SLC25A13: variants seen among roughly 807,000 people sequenced by gnomAD.
The protein encoded by SLC25A13 is electrogenic aspartate/glutamate antiporter SLC25A13, mitochondrial.
In SLC25A13, 70 loss-of-function variants were observed where a neutral mutation model predicts 85.5. That is an observed-to-expected ratio of 0.82 (90% CI 0.68 to 1.00). SLC25A13 has a LOEUF of 1.00. Ranked by LOEUF, SLC25A13 falls within the 50% of genes least tolerant of loss-of-function variation. The probability of loss-of-function intolerance (pLI) is 0.00; values close to 1 mark genes in which losing one functional copy is unlikely to be tolerated. For missense variants in SLC25A13, 765 were observed against 819.8 expected, an observed-to-expected ratio of 0.93 and a Z score of 0.82; for synonymous variants, 259 against 288.7, an observed-to-expected ratio of 0.90 and a Z score of 1.04.
In SLC25A13 at chr7:96,252,701, G is replaced by C. The variant is rs1797479817; in HGVS notation, c.213-17784C>G. ...GTAAGAGGCAAGTGTGTTAACCTGA[G>C]AACTAATATTATCATTGGATTCTGC... On this transcript the variant is annotated intron_variant, in intron 3 of 17. Coordinates refer to ENST00000265631, the MANE Select transcript of SLC25A13 (RefSeq NM_014251.3). Among the ~76,000 whole-genome samples the C allele has an allele frequency of 2.0e-5, 3 of 152,190 alleles. No homozygotes were observed. The South Asian group carries it at 6.2e-4, about 31-fold the overall frequency.
At chr7:96,259,068 G>T (rs1797748571) in intron 3 of SLC25A13, among the ~76,000 whole-genome samples, 1 of 152,004 alleles carries the variant, frequency 6.6e-6, no homozygotes, top group African/African-American at 2.4e-5. Flanking sequence ...ATTAACTCAG[G>T]ATGGTAAAGA....
intron 14 of SLC25A13, among the ~76,000 whole-genome samples, chr7:96,140,404 T>C (rs1483222905): frequency 4.0e-4 from 55 of 135,826 alleles, no homozygotes; most frequent in African/African-American, 1.5e-3. Context: ...CTCCTTTTTT[T>C]TTTTTTTTTT....
At chr7:96,194,241 C>T (rs1794966503) in intron 5 of SLC25A13, among the ~76,000 whole-genome samples, 1 of 147,190 alleles carries the variant, frequency 6.8e-6, no homozygotes, top group Non-Finnish European at 1.5e-5. Context: ...TCCAGGCCAG[C>T]CTGGGCCACA....
chr7:96,163,364 G>A lies in SLC25A13; in HGVS notation c.1311+6681C>T, dbSNP rs529085265. The stretch of plus-strand genomic sequence containing the variant: ...CACAGCCCCAGCTGTTCAGTTACAA[G>A]AGTGAGCCACCTTGGATATCTATCC... On this transcript the variant is annotated intron_variant, in intron 13 of 17. Transcript: ENST00000265631. 1.6e-3 allele frequency among the ~76,000 whole-genome samples: 243 copies of A among 152,270 alleles called. 1 individual carries two copies. The Middle Eastern group carries it at 0.024, about 15-fold the overall frequency.
In SLC25A13 at chr7:96,208,858, C is replaced by T; in HGVS notation, c.448G>A (p.Glu150Lys). Reference protein sequence around the residue: ...KERKRHLTYAEFTQFLLEIQL... With the variant: ...KERKRHLTYAKFTQFLLEIQL... The stretch of plus-strand genomic sequence containing the variant: ...CCCACCAATAAAAACTGAGTAAATT[C>T]CGCATATGTCAGGTGTCTTTTTCTT... Residue 150 changes from glutamate to lysine, a missense_variant, in exon 5 of 18, where the codon GAA (glutamate) becomes AAA (lysine). Glu to Lys is a moderately conservative substitution (Grantham distance 56). Transcript: ENST00000265631. The T allele has an allele frequency of 6.2e-7, 1 of 1,614,036 alleles. No homozygotes were observed. The highest frequency in any genetic ancestry group is 8.5e-7 in the Non-Finnish European group (1 of 1,180,004).
At chr7:96,257,323 C>A (rs564893277) in intron 3 of SLC25A13, among the ~76,000 whole-genome samples, 19 of 151,796 alleles carry the variant, frequency 1.3e-4, no homozygotes, top group African/African-American at 4.1e-4. Context: ...ACTAGCCAGA[C>A]TAATAAAGAA....
At chr7:96,164,369 A>G (rs565007495) in intron 13 of SLC25A13, among the ~76,000 whole-genome samples, 18 of 152,192 alleles carry the variant, frequency 1.2e-4, no homozygotes, top group African/African-American at 3.9e-4. Flanking sequence ...CTGCCTCACC[A>G]CTCCAGCTGA....
intron 1 of SLC25A13, among the ~76,000 whole-genome samples, chr7:96,312,184 A>G (rs1268183562): frequency 6.6e-6 from 1 of 152,202 alleles, no homozygotes; most frequent in Non-Finnish European, 1.5e-5. Flanking sequence ...TGTTGAAATC[A>G]TAGCTCTCCT....
chr7:96,238,190 C>A (rs1256337261), intron 3 of SLC25A13, among the ~76,000 whole-genome samples: 2 of 152,010 alleles, frequency 1.3e-5, no homozygotes, highest in African/African-American at 4.8e-5. Flanking sequence ...CAGACATGCA[C>A]ACAAGGAGAA....
At chr7:96,276,426 A>T (rs750384716) in intron 3 of SLC25A13, among the ~76,000 whole-genome samples, 5 of 152,182 alleles carry the variant, frequency 3.3e-5, no homozygotes, top group Non-Finnish European at 5.9e-5. Context: ...GTTTGAGACC[A>T]GCCTGGGCAA....
chr7:96,232,648 G>GAA (rs34636842), intron 4 of SLC25A13, among the ~76,000 whole-genome samples: 1 of 131,974 alleles, frequency 7.6e-6, no homozygotes, highest in African/African-American at 2.8e-5. Flanking sequence ...AAAGAAAAAT[G>GAA]AAAAAAAAAA....
chr7:96,226,554 T>C (rs1198083455), intron 4 of SLC25A13, among the ~76,000 whole-genome samples: 1 of 151,946 alleles, frequency 6.6e-6, no homozygotes, highest in East Asian at 1.9e-4. Flanking sequence ...TAAATTTTTG[T>C]CAGAATCTCC....
At position 96,184,976 on chromosome 7, in the gene SLC25A13, T is replaced by C. The variant is rs762137400; in HGVS notation, c.969A>G (p.Leu323=). ...ASGDSARPVL[L]QVAESAYRFG... is the part of the protein sequence containing the mutation. ...ACCTGTAGGCCGACTCTGCAACTTG[T>C]AGAAGAACTGGTCGAGCTGAATCAC... Residue 323 remains leucine, a synonymous_variant, in exon 10 of 18, where the codon CTA becomes CTG. Transcript: ENST00000265631. 1.9e-6 allele frequency: 3 copies of C among 1,614,088 alleles called. No homozygotes were observed. The highest frequency in any genetic ancestry group is 1.1e-5 in the South Asian group (1 of 91,090).
chr7:96,288,583 T>C (rs1798985319), intron 2 of SLC25A13, among the ~76,000 whole-genome samples: 1 of 152,124 alleles, frequency 6.6e-6, no homozygotes. Flanking sequence ...ATACTGCGCT[T>C]TTCCAACGGT....
intron 15 of SLC25A13, among the ~76,000 whole-genome samples, chr7:96,124,086 A>G (rs1172492460): frequency 6.6e-6 from 1 of 152,212 alleles, no homozygotes. Context: ...CTGTGACAGG[A>G]GTAACTTGGG....
chr7:96,223,169 G>T (rs1232648822), intron 4 of SLC25A13, among the ~76,000 whole-genome samples: 1 of 151,752 alleles, frequency 6.6e-6, no homozygotes, highest in Non-Finnish European at 1.5e-5. Context: ...TCCAGGCAAA[G>T]AGTTGAGAAC....
At chr7:96,266,984 T>C (rs1175479972) in intron 3 of SLC25A13, among the ~76,000 whole-genome samples, 3 of 152,242 alleles carry the variant, frequency 2.0e-5, no homozygotes, top group Non-Finnish European at 4.4e-5. Flanking sequence ...GAAGAGATGC[T>C]TTCGCCAAAT....
rs1794001523 is a variant in SLC25A13, at chr7:96,171,525, CT to C, written c.1178-2del. ...ACTCCCAATAACTGTGGCAACAGAC[CT>C]AAAAATCAACAAAAAGTAGAAGTAT... On this transcript the variant is annotated splice_acceptor_variant, in intron 11 of 17. Coordinates refer to ENST00000265631, the MANE Select transcript of SLC25A13 (RefSeq NM_014251.3). LOFTEE classifies it high-confidence loss of function. 6.2e-7 allele frequency: 1 copy of C among 1,611,628 alleles called. No individual in the cohort carries two copies. Among genetic ancestry groups the C allele is most frequent in the Non-Finnish European group, 8.5e-7 (1 of 1,177,934 alleles).
intron 3 of SLC25A13, among the ~76,000 whole-genome samples, chr7:96,270,145 G>A (rs959985033): frequency 1.3e-5 from 2 of 152,140 alleles, no homozygotes; most frequent in African/African-American, 4.8e-5. Context: ...AAAGAAATAA[G>A]TATATCAGGT....
Sources: allele counts gnomAD v4.1 joint callset (sites outside exome capture counted in the v4.1 genomes callset), GRCh38; gene constraint gnomAD v4.1.1; transcripts MANE v1.5; gene names NCBI Gene and HGNC (gene_info 2026-07-23, HGNC 2026-07-21).